The following CCNY variants were observed in gnomAD, a reference collection of about 807,000 sequenced individuals.
CCNY encodes cyclin-Y.
A neutral mutation model predicts 42.8 loss-of-function variants in CCNY; 19 were observed. That is an observed-to-expected ratio of 0.44 (90% confidence interval 0.31 to 0.65). The LOEUF is 0.65. CCNY is among the 30% of genes least tolerant of loss of function. The pLI is 0.07. For missense variants in CCNY, 370 were observed against 437.3 expected (o/e 0.85, Z 1.37); for synonymous variants, 165 against 162.7 (o/e 1.01, Z -0.11).
intron 1 of CCNY, among the ~76,000 whole-genome samples, chr10:35,469,621 TAGAC>T (rs1467169291): frequency 7.6e-6 from 1 of 131,946 alleles, no homozygotes; most frequent in Non-Finnish European, 1.6e-5. Context: ...GAGAGACAGA[TAGAC>T]AGGGGGAGAT....
At chr10:35,493,854 C>T (rs756031317) in intron 2 of CCNY, among the ~76,000 whole-genome samples, 19 of 152,186 alleles carry the variant, frequency 1.2e-4, no homozygotes, top group Non-Finnish European at 2.6e-4. Flanking sequence ...ATAATCCTTA[C>T]CCTAGAGTGT....
intron 1 of CCNY, among the ~76,000 whole-genome samples, chr10:35,467,729 G>A (rs1839300444): frequency 6.6e-6 from 1 of 152,194 alleles, no homozygotes; most frequent in South Asian, 2.1e-4. Context: ...CCTGACTTGA[G>A]AAATGTGTCT....
rs746673282 is a variant in CCNY at position 35,553,198 on chromosome 10, G to A, written c.746+13G>A. On this transcript the variant is annotated intron_variant, in intron 8 of 9. Transcript: ENST00000374704. ...CGGTGGAGGACATGTGAGTTGGGGGGCAGAGGGTGTTGGTCATCAGAGTCT... is the reference window on the plus strand; with the variant it reads ...CGGTGGAGGACATGTGAGTTGGGGGACAGAGGGTGTTGGTCATCAGAGTCT... The A allele has an allele frequency of 7.4e-6, 12 of 1,612,142 alleles. No homozygotes were observed. In the Admixed American group the frequency reaches 2.0e-4, roughly 27 times the overall value.
At chr10:35,383,043 A>G (rs1837223231) in intron 1 of CCNY, among the ~76,000 whole-genome samples, 2 of 152,172 alleles carry the variant, frequency 1.3e-5, no homozygotes, top group African/African-American at 4.8e-5. Context: ...TCAATTGAAC[A>G]TGGATCGAAA....
At chr10:35,353,245 A>T (rs1786119551) in intron 1 of CCNY, among the ~76,000 whole-genome samples, 1 of 152,276 alleles carries the variant, frequency 6.6e-6, no homozygotes, top group South Asian at 2.1e-4. Context: ...TTCCTTTTGA[A>T]GTCAGTAGGT....
chr10:35,282,813 TGAA>T (rs1835313427), intron 3 of CCNY, among the ~76,000 whole-genome samples: 1 of 151,738 alleles, frequency 6.6e-6, no homozygotes, highest in Non-Finnish European at 1.5e-5. Flanking sequence ...GTACTCGCAA[TGAA>T]GAAGAGCCTA....
intron 9 of CCNY, among the ~76,000 whole-genome samples, chr10:35,568,228 C>T (rs1388354926): frequency 6.6e-6 from 1 of 152,196 alleles, no homozygotes; most frequent in African/African-American, 2.4e-5. Flanking sequence ...CAGGTTTCTC[C>T]GAGTGCCGAG....
chr10:35,414,224 A>C (rs1027140944), intron 1 of CCNY, among the ~76,000 whole-genome samples: 1 of 152,200 alleles, frequency 6.6e-6, no homozygotes, highest in Non-Finnish European at 1.5e-5. Context: ...ACGAGGCTGC[A>C]GTCAAGATAC....
intron 3 of CCNY, among the ~76,000 whole-genome samples, chr10:35,255,568 G>C (rs2095714919): frequency 6.6e-6 from 1 of 151,976 alleles, no homozygotes; most frequent in African/African-American, 2.4e-5. Flanking sequence ...AAAGTGCTGA[G>C]ATTACAGGCA....
At chr10:35,374,825 G>A (rs921001187) in intron 1 of CCNY, among the ~76,000 whole-genome samples, 3 of 152,184 alleles carry the variant, frequency 2.0e-5, no homozygotes, top group African/African-American at 7.2e-5. Context: ...AATTGTCCAT[G>A]GAAGAAATTT....
At chr10:35,564,501 G>A (rs922849386) in intron 8 of CCNY, among the ~76,000 whole-genome samples, 1 of 152,152 alleles carries the variant, frequency 6.6e-6, no homozygotes, top group South Asian at 2.1e-4. Context: ...AGTGCTATGA[G>A]TCACCGGGAA....
chr10:35,472,998 A>G (rs1038694792), intron 1 of CCNY, among the ~76,000 whole-genome samples: 5 of 151,744 alleles, frequency 3.3e-5, no homozygotes, highest in Admixed American at 6.6e-5. Flanking sequence ...CCTTGCTAGG[A>G]AAAAAAAAGC....
chr10:35,415,665 G>A (rs576286412), intron 1 of CCNY, among the ~76,000 whole-genome samples: 5 of 152,344 alleles, frequency 3.3e-5, no homozygotes, highest in African/African-American at 1.2e-4. Flanking sequence ...GAAAGGATGC[G>A]AGTCGAGAAG....
chr10:35,515,683 T>G (rs1445039036), intron 3 of CCNY, among the ~76,000 whole-genome samples: 1 of 152,248 alleles, frequency 6.6e-6, no homozygotes, highest in African/African-American at 2.4e-5. Context: ...TAACTTTTTT[T>G]CTAGTTTGCT....
chr10:35,475,900 C>A (rs1444237899), intron 1 of CCNY, among the ~76,000 whole-genome samples: 1 of 151,400 alleles, frequency 6.6e-6, no homozygotes, highest in Non-Finnish European at 1.5e-5. Flanking sequence ...ACCCATCTCA[C>A]GTGCAGAGAC....
chr10:35,498,989 C>T (rs996066642), intron 2 of CCNY, among the ~76,000 whole-genome samples: 2 of 152,158 alleles, frequency 1.3e-5, no homozygotes, highest in African/African-American at 4.8e-5. Flanking sequence ...AGTGAACTTT[C>T]GTTTTTCTTC....
At chr10:35,384,077 A>G (rs1837251026) in intron 1 of CCNY, among the ~76,000 whole-genome samples, 1 of 152,158 alleles carries the variant, frequency 6.6e-6, no homozygotes, top group Non-Finnish European at 1.5e-5. Context: ...CCCTCACCAT[A>G]AATTCTGATT....
At chr10:35,490,592 G>A (rs1202821909) in intron 2 of CCNY, among the ~76,000 whole-genome samples, 1 of 152,198 alleles carries the variant, frequency 6.6e-6, no homozygotes, top group East Asian at 1.9e-4. Flanking sequence ...CGCCTGAAGA[G>A]GCAGGTCCTG....
chr10:35,512,124 A>G (rs937809342), intron 3 of CCNY, among the ~76,000 whole-genome samples: 1 of 152,228 alleles, frequency 6.6e-6, no homozygotes, highest in African/African-American at 2.4e-5. Flanking sequence ...ATAGCACTTG[A>G]TACAAGGAAA....
Sources: allele counts gnomAD v4.1 joint callset (sites outside exome capture counted in the v4.1 genomes callset), GRCh38; gene constraint gnomAD v4.1.1; transcripts MANE v1.5; gene names NCBI Gene and HGNC (gene_info 2026-07-23, HGNC 2026-07-21).